Variants in SSX2IP observed in about 807,000 individuals in gnomAD.
The protein encoded by SSX2IP is afadin- and alpha-actinin-binding protein.
Under a neutral mutation model 84.9 loss-of-function variants are expected in SSX2IP, and 55 were observed. That is an observed-to-expected ratio of 0.65 (90% CI 0.52 to 0.81). The LOEUF is 0.81. SSX2IP is among the 30% of genes least tolerant of loss of function. The probability of loss-of-function intolerance (pLI) is 0.00; values close to 1 mark genes in which losing one functional copy is unlikely to be tolerated. For synonymous variants in SSX2IP, 239 were observed against 234.7 expected (o/e 1.02, Z -0.17); for missense variants, 664 against 705.2 (o/e 0.94, Z 0.66).
chr1:84,681,537 T>A (rs547481333), intron 1 of SSX2IP, among the ~76,000 whole-genome samples: 1 of 152,304 alleles, frequency 6.6e-6, no homozygotes, highest in African/African-American at 2.4e-5. Flanking sequence ...ATAATTTGGG[T>A]ACAGGGAGGG....
chr1:84,690,689 G>C (rs1375810201), upstream of SSX2IP: 1 of 152,276 alleles, frequency 6.6e-6, no homozygotes, highest in African/African-American at 2.4e-5. Context: ...AAAAAACCCG[G>C]AGAAAAAGAA....
At chr1:84,688,154 AAACAT>A (rs1656049415) in intron 1 of SSX2IP, among the ~76,000 whole-genome samples, 1 of 152,200 alleles carries the variant, frequency 6.6e-6, no homozygotes, top group Non-Finnish European at 1.5e-5. Flanking sequence ...GTACTACATA[AAACAT>A]TGGCCCACAA....
In SSX2IP at chr1:84,647,518, G is replaced by A. The variant is rs1242331427; in HGVS notation, c.1760C>T (p.Ser587Leu). Residue 587 changes from serine to leucine, a missense_variant, in exon 14 of 14, where the codon TCA (serine) becomes TTA (leucine). Ser to Leu is a moderately radical substitution (Grantham distance 145, BLOSUM62 -2). Transcript: ENST00000342203. ...ECTNQKWSVA[S>L]RPGSQEGCYS... ...GCAACCTTCCTGTGATCCAGGTCTTGATGCCACACTCCATTTTTGATTTGT... is the reference window on the plus strand; with the variant it reads ...GCAACCTTCCTGTGATCCAGGTCTTAATGCCACACTCCATTTTTGATTTGT... 6.2e-7 allele frequency: 1 copy of A among 1,613,234 alleles called. No homozygotes were observed. The highest frequency in any genetic ancestry group is 1.3e-5 in the African/African-American group (1 of 74,886).
chr1:84,675,370 C>G (rs116474877), intron 1 of SSX2IP, among the ~76,000 whole-genome samples: 74 of 152,256 alleles, frequency 4.9e-4, no homozygotes, highest in African/African-American at 1.8e-3. Context: ...ACCTAAAATT[C>G]TATCTATTAA....
At chr1:84,680,619 A>C (rs568967373) in intron 1 of SSX2IP, among the ~76,000 whole-genome samples, 3 of 152,216 alleles carry the variant, frequency 2.0e-5, no homozygotes, top group Admixed American at 1.3e-4. Context: ...AAGTTACAAA[A>C]CCATATCTAA....
At position 84,645,615 on chromosome 1, in the gene SSX2IP, G is replaced by A; in HGVS notation, c.*1818C>T. 1 of 152,108 alleles carries A rather than the reference G, an allele frequency of 6.6e-6. No homozygotes were observed. Among genetic ancestry groups the A allele is most frequent in the Non-Finnish European group, 1.5e-5 (1 of 68,012 alleles). The allele number at this position is 152,108 out of a possible 1,614,324, so 9.4% of individuals were successfully genotyped here. On this transcript the variant is annotated 3_prime_UTR_variant, in exon 14 of 14. Transcript: ENST00000342203. ...GCTTATTTCTTGCAAAGTACACCATGGAAAACCCTCGGGGGAAAATTGTTG... is the reference window on the plus strand; with the variant it reads ...GCTTATTTCTTGCAAAGTACACCATAGAAAACCCTCGGGGGAAAATTGTTG...
At chr1:84,649,722 T>C in intron 13 of SSX2IP, 1 of 317,982 alleles carries the variant, frequency 3.1e-6, no homozygotes, top group Non-Finnish European at 6.2e-6. Flanking sequence ...TTCTACCTGC[T>C]TCCTCTTCTT....
At chr1:84,659,708 G>C (rs1651646420) in intron 8 of SSX2IP, among the ~76,000 whole-genome samples, 1 of 150,270 alleles carries the variant, frequency 6.7e-6, no homozygotes, top group Non-Finnish European at 1.5e-5. Flanking sequence ...TGAGGCAGGA[G>C]AATCACTTGA....
At chr1:84,656,039 G>T in intron 10 of SSX2IP, 34 bp from the exon 11 acceptor site, 2 of 1,581,360 alleles carry the variant, frequency 1.3e-6, no homozygotes, top group East Asian at 2.2e-5. Flanking sequence ...AGTTCCTGAG[G>T]GACCTTGCGA....
At chr1:84,683,995 C>A (rs1036221274) in intron 1 of SSX2IP, among the ~76,000 whole-genome samples, 2 of 152,016 alleles carry the variant, frequency 1.3e-5, no homozygotes, top group African/African-American at 4.8e-5. Context: ...CTAAGAAGTC[C>A]AAATCAAATT....
chr1:84,666,317 A>T, intron 4 of SSX2IP, 85 bp from the exon 5 acceptor site: 1 of 979,930 alleles, frequency 1.0e-6, no homozygotes, highest in South Asian at 1.4e-5. Context: ...ACAAGAAGTT[A>T]TACATCCTAG....
intron 6 of SSX2IP, among the ~76,000 whole-genome samples, chr1:84,664,128 T>C (rs1439245355): frequency 6.6e-6 from 1 of 152,194 alleles, no homozygotes; most frequent in Non-Finnish European, 1.5e-5. Context: ...TATTATCAGT[T>C]CTTTGCTATG....
At chr1:84,684,748 T>C (rs1433479350) in intron 1 of SSX2IP, among the ~76,000 whole-genome samples, 2 of 151,982 alleles carry the variant, frequency 1.3e-5, no homozygotes, top group African/African-American at 4.8e-5. Flanking sequence ...AATGGATAAA[T>C]TATGCCATAT....
At chr1:84,656,213 C>G in intron 10 of SSX2IP, 135 bp downstream of exon 10, 1 of 977,820 alleles carries the variant, frequency 1.0e-6, no homozygotes, top group South Asian at 1.7e-5. Flanking sequence ...CACAATGTAT[C>G]TGTTAGCAGG....
intron 1 of SSX2IP, among the ~76,000 whole-genome samples, chr1:84,679,071 A>C (rs144122224): frequency 7.4e-4 from 112 of 152,342 alleles, no homozygotes; most frequent in African/African-American, 2.6e-3. Context: ...TAAGAAGATA[A>C]AACTAAGTGT....
intron 1 of SSX2IP, among the ~76,000 whole-genome samples, chr1:84,672,419 A>T (rs1653707557): frequency 6.6e-6 from 1 of 152,168 alleles, no homozygotes; most frequent in African/African-American, 2.4e-5. Flanking sequence ...TTAAAAAAAA[A>T]AAAAACTCTA....
intron 6 of SSX2IP, among the ~76,000 whole-genome samples, chr1:84,662,843 G>A (rs1263678768): frequency 6.6e-6 from 1 of 152,058 alleles, no homozygotes; most frequent in Non-Finnish European, 1.5e-5. Flanking sequence ...AGTATCTGGC[G>A]CACAGTAAGT....
At chr1:84,667,708 TAA>T (rs1184948024) in intron 4 of SSX2IP, among the ~76,000 whole-genome samples, 1 of 152,114 alleles carries the variant, frequency 6.6e-6, no homozygotes, top group East Asian at 1.9e-4. Flanking sequence ...GTGGTTCCTC[TAA>T]AGTGCAGTGA....
chr1:84,687,260 AAG>A (rs1252486145), intron 1 of SSX2IP, among the ~76,000 whole-genome samples: 1 of 152,238 alleles, frequency 6.6e-6, no homozygotes, highest in Non-Finnish European at 1.5e-5. Flanking sequence ...TGTGTGAAGC[AAG>A]AGTTAAAAGA....
Sources: allele counts gnomAD v4.1 joint callset (sites outside exome capture counted in the v4.1 genomes callset), GRCh38; gene constraint gnomAD v4.1.1; transcripts MANE v1.5; gene names NCBI Gene and HGNC (gene_info 2026-07-23, HGNC 2026-07-21).